The following KCNN2 variants were observed in gnomAD, a reference collection of about 807,000 sequenced individuals.
KCNN2 encodes small conductance calcium-activated potassium channel protein 2.
In KCNN2, 24 loss-of-function variants were observed where a neutral mutation model predicts 55.5. That is an observed-to-expected ratio of 0.43 (90% CI 0.31 to 0.61). The LOEUF (loss-of-function observed/expected upper bound fraction) is 0.61. KCNN2 is among the 20% of genes least tolerant of loss of function. The pLI is 0.08. For missense variants in KCNN2, 754 were observed against 853.6 expected, an observed-to-expected ratio of 0.88 and a Z score of 1.45; for synonymous variants, 431 against 336.1, an observed-to-expected ratio of 1.28 and a Z score of -3.09.
Position 114,260,967 on chromosome 5 carries a change from TGTGGCATAA to T in KCNN2, c.-185+39405_-185+39413del, listed in dbSNP as rs761751267. ...AGAAGATTGTTTGTCTTTAGGAACA[TGTGGCATAA>T]GTCTACAACCACTGCAGTTCCCTGG... On this transcript the variant is annotated intron_variant, in intron 2 of 10. Coordinates refer to the KCNN2 transcript ENST00000512097. Among the ~76,000 whole-genome samples the T allele has an allele frequency of 2.9e-3, 444 of 152,304 alleles. 3 individuals are homozygous for T. The highest frequency in any genetic ancestry group is 1.6e-3 in the Non-Finnish European group (109 of 68,032).
chr5:114,343,548 G>C (rs926307736), intron 2 of KCNN2, among the ~76,000 whole-genome samples: 2 of 152,082 alleles, frequency 1.3e-5, no homozygotes, highest in Admixed American at 1.3e-4. Context: ...CAGTATTTTA[G>C]GGTCTGCTTT....
At chr5:114,216,193 G>A (rs1198939203) in intron 1 of KCNN2, among the ~76,000 whole-genome samples, 1 of 151,992 alleles carries the variant, frequency 6.6e-6, no homozygotes, top group African/African-American at 2.4e-5. Flanking sequence ...AAAACAGTTT[G>A]GAATTTCAAC....
chr5:114,364,617 T>C (rs1757547354), intron 2 of KCNN2, among the ~76,000 whole-genome samples: 1 of 118,360 alleles, frequency 8.4e-6, no homozygotes, highest in African/African-American at 3.5e-5. Flanking sequence ...TTGTGAGTTC[T>C]TTTTTTTTTT....
chr5:114,224,601 G>A (rs545902136), intron 2 of KCNN2, among the ~76,000 whole-genome samples: 8 of 152,312 alleles, frequency 5.3e-5, no homozygotes, highest in Admixed American at 4.6e-4. Flanking sequence ...ACAGAATCCC[G>A]CTGGAGGTGT....
chr5:114,487,316 A>G lies in KCNN2; in HGVS notation c.2018+139A>G, dbSNP rs892469721. The G allele has an allele frequency of 4.1e-5, 30 of 730,598 alleles. No homozygotes were observed. In the African/African-American group the frequency reaches 4.3e-4, roughly 10 times the overall value. 45.3% of individuals were successfully genotyped at this position (730,598 alleles called of 1,614,324 possible). A position where few individuals can be genotyped will look rare whatever the true frequency, so the allele number is the denominator to read the frequency against. ...CCCAGAAGATGTTATCTGGCAATCTAATCATTCCACAATAAGATCCTGAGA... is the reference window on the plus strand; with the variant it reads ...CCCAGAAGATGTTATCTGGCAATCTGATCATTCCACAATAAGATCCTGAGA... On this transcript the variant is annotated intron_variant, in intron 6 of 7. Coordinates refer to ENST00000673685, the MANE Select transcript of KCNN2 (RefSeq NM_021614.4).
chr5:114,176,383 A>T (rs925525730), intron 1 of KCNN2, among the ~76,000 whole-genome samples: 1 of 152,152 alleles, frequency 6.6e-6, no homozygotes, highest in African/African-American at 2.4e-5. Flanking sequence ...TCTGTTATTC[A>T]TGTCAAATTC....
At chr5:114,327,479 A>T (rs1207772535) in intron 2 of KCNN2, among the ~76,000 whole-genome samples, 1 of 152,216 alleles carries the variant, frequency 6.6e-6, no homozygotes, top group African/African-American at 2.4e-5. Flanking sequence ...CACAGACAAA[A>T]GTCACATGTC....
At chr5:114,428,450 G>A (rs894341912) in intron 3 of KCNN2, among the ~76,000 whole-genome samples, 1 of 151,944 alleles carries the variant, frequency 6.6e-6, no homozygotes, top group Non-Finnish European at 1.5e-5. Context: ...GAAAATAGTA[G>A]TTTTGAACTC....
chr5:114,261,819 G>A (rs559339304), intron 2 of KCNN2, among the ~76,000 whole-genome samples: 1 of 152,244 alleles, frequency 6.6e-6, no homozygotes, highest in South Asian at 2.1e-4. Flanking sequence ...GGCTAAGGCT[G>A]GTCAGCTTTC....
intron 3 of KCNN2, among the ~76,000 whole-genome samples, chr5:114,459,956 C>T (rs911507776): frequency 2.0e-4 from 31 of 152,190 alleles, no homozygotes; most frequent in African/African-American, 7.2e-4. Context: ...TAAAGGTAAG[C>T]GTCTAATGAG....
At chr5:114,318,573 T>A (rs1176430041) in intron 2 of KCNN2, among the ~76,000 whole-genome samples, 1 of 151,402 alleles carries the variant, frequency 6.6e-6, no homozygotes, top group Non-Finnish European at 1.5e-5. Flanking sequence ...AATATCATAA[T>A]GTAATTTTGT....
At position 114,441,645 on chromosome 5, in the gene KCNN2, A is replaced by G. The variant is rs556184633; in HGVS notation, c.1638-21404A>G. Among the ~76,000 whole-genome samples, 154 of 152,322 alleles carry G rather than the reference A, an allele frequency of 1.0e-3. 1 individual carries two copies. Among genetic ancestry groups the G allele is most frequent in the African/African-American group, 3.6e-3 (149 of 41,580 alleles). On this transcript the variant is annotated intron_variant, in intron 3 of 7. Coordinates refer to ENST00000673685, the MANE Select transcript of KCNN2 (RefSeq NM_021614.4). ...ATCCTTTCAAACTGTATATAAATGT[A>G]TAATTTTTTTTTCAAAACAGGGACA...
At chr5:114,384,581 C>G (rs1258707883) in intron 2 of KCNN2, among the ~76,000 whole-genome samples, 1 of 152,206 alleles carries the variant, frequency 6.6e-6, no homozygotes, top group Non-Finnish European at 1.5e-5. Context: ...ACATACTTCT[C>G]TAGAGTAGAC....
At chr5:114,238,032 C>A (rs114087832) in intron 2 of KCNN2, among the ~76,000 whole-genome samples, 19 of 152,154 alleles carry the variant, frequency 1.2e-4, no homozygotes, top group Non-Finnish European at 2.4e-4. Context: ...TCAATTTCAC[C>A]GCAAAGGAAG....
chr5:114,402,065 T>G (rs1379350631), intron 2 of KCNN2, among the ~76,000 whole-genome samples: 1 of 152,132 alleles, frequency 6.6e-6, no homozygotes, highest in Non-Finnish European at 1.5e-5. Context: ...ACTCTGGTAG[T>G]GTGTTGGTTA....
intron 2 of KCNN2, among the ~76,000 whole-genome samples, chr5:114,328,996 C>G (rs956812926): frequency 9.2e-5 from 14 of 152,314 alleles, no homozygotes; most frequent in African/African-American, 2.6e-4. Flanking sequence ...GTCCTCCTTA[C>G]TTATTGCCCT....
intron 1 of KCNN2, among the ~76,000 whole-genome samples, chr5:114,117,329 T>C (rs1031872589): frequency 1.3e-4 from 20 of 152,172 alleles, no homozygotes; most frequent in African/African-American, 4.6e-4. Flanking sequence ...TTCATTCTCC[T>C]GCCTAACCCA....
chr5:114,178,003 A>T (rs1753169780), intron 1 of KCNN2, among the ~76,000 whole-genome samples: 1 of 152,200 alleles, frequency 6.6e-6, no homozygotes, highest in Non-Finnish European at 1.5e-5. Context: ...TTATCATATG[A>T]CATTGTTTTT....
intron 1 of KCNN2, among the ~76,000 whole-genome samples, chr5:114,213,063 A>C (rs1225161057): frequency 6.6e-6 from 1 of 152,004 alleles, no homozygotes; most frequent in African/African-American, 2.4e-5. Context: ...ATTACAAACT[A>C]ATTTGAGACC....
Sources: gnomAD v4.1 joint callset for allele counts (sites outside exome capture counted in the v4.1 genomes callset) on GRCh38, gnomAD v4.1.1 for gene constraint, MANE v1.5 for transcripts, NCBI Gene and HGNC (gene_info 2026-07-23, HGNC 2026-07-21) for gene names.